SLC17A1: variants seen among roughly 807,000 people sequenced by gnomAD.
SLC17A1 encodes the protein sodium-dependent phosphate transport protein 1.
In SLC17A1, 51 loss-of-function variants were observed where a neutral mutation model predicts 53.5. The observed-to-expected ratio is 0.95, with a 90% CI of 0.76 to 1.20. The LOEUF (loss-of-function observed/expected upper bound fraction) is 1.20, where lower values mean the gene tolerates loss of function less well. SLC17A1 is among the 50% of genes most tolerant of loss of function. SLC17A1 has a pLI of 0.00. For synonymous variants in SLC17A1, 179 were observed against 198.8 expected (o/e 0.90, Z 0.84); for missense variants, 538 against 568.2 (o/e 0.95, Z 0.54).
At chr6:25,826,339 A>T in intron 3 of SLC17A1, 122 bp downstream of exon 3, 1 of 716,010 alleles carries the variant, frequency 1.4e-6, no homozygotes, top group Non-Finnish European at 2.2e-6. Context: ...CTGGCAAGGT[A>T]GATGAAGACT....
the SLC17A1 span, among the ~76,000 whole-genome samples, chr6:25,772,809 C>T: frequency 1.3e-5 from 2 of 152,168 alleles, no homozygotes; most frequent in Non-Finnish European, 2.9e-5. Context: ...GTGGGGCAAA[C>T]ACGCTACTAA....
chr6:25,764,810 C>A, the SLC17A1 span, among the ~76,000 whole-genome samples: 1 of 152,218 alleles, frequency 6.6e-6, no homozygotes, highest in Non-Finnish European at 1.5e-5. Context: ...CCTTTCTGAT[C>A]TGCAATTTAG....
At chr6:25,793,986 A>G (rs549576824) in intron 12 of SLC17A1, among the ~76,000 whole-genome samples, 11 of 152,290 alleles carry the variant, frequency 7.2e-5, no homozygotes, top group African/African-American at 2.6e-4. Context: ...TCACACACGC[A>G]CTTTGAGTTT....
intron 12 of SLC17A1, among the ~76,000 whole-genome samples, chr6:25,786,470 C>A (rs573763288): frequency 6.6e-6 from 1 of 152,218 alleles, no homozygotes; most frequent in East Asian, 1.9e-4. Flanking sequence ...AGGCTACATG[C>A]GTGTTTCCCA....
chr6:25,765,970 C>G, the SLC17A1 span, among the ~76,000 whole-genome samples: 3 of 151,488 alleles, frequency 2.0e-5, no homozygotes, highest in African/African-American at 7.3e-5. Flanking sequence ...TAAATACAAG[C>G]AATTATGAGA....
the SLC17A1 span, among the ~76,000 whole-genome samples, chr6:25,771,464 C>T: frequency 2.6e-5 from 4 of 151,760 alleles, no homozygotes; most frequent in African/African-American, 9.7e-5. Flanking sequence ...ATCCCAGCTA[C>T]TCGGGAGGCT....
chr6:25,797,092 T>C (rs780732620), intron 12 of SLC17A1, among the ~76,000 whole-genome samples: 1 of 152,226 alleles, frequency 6.6e-6, no homozygotes, highest in Non-Finnish European at 1.5e-5. Flanking sequence ...ACCTCATTAT[T>C]GAATTATACC....
the SLC17A1 span, chr6:25,732,069 C>T: frequency 5.8e-6 from 7 of 1,215,024 alleles, no homozygotes; most frequent in South Asian, 3.1e-5. Context: ...TTTGCGGCAT[C>T]TCTTGCGCTT....
chr6:25,728,574 G>C, the SLC17A1 span, among the ~76,000 whole-genome samples: 1 of 152,250 alleles, frequency 6.6e-6, no homozygotes, highest in African/African-American at 2.4e-5. Context: ...CTGCACTTTG[G>C]GAGGCAGAGG....
At chr6:25,759,164 C>T in the SLC17A1 span, among the ~76,000 whole-genome samples, 1 of 151,996 alleles carries the variant, frequency 6.6e-6, no homozygotes, top group Non-Finnish European at 1.5e-5. Context: ...TGAGGGAGTA[C>T]TTGATATAAT....
chr6:25,825,380 A>G (rs1357573565), intron 3 of SLC17A1, among the ~76,000 whole-genome samples: 2 of 151,750 alleles, frequency 1.3e-5, no homozygotes, highest in Admixed American at 6.6e-5. Context: ...GAAATTTTAC[A>G]GTCTTTCAGT....
the SLC17A1 span, among the ~76,000 whole-genome samples, chr6:25,771,345 A>T: frequency 6.6e-6 from 1 of 152,078 alleles, no homozygotes; most frequent in Non-Finnish European, 1.5e-5. Context: ...AGGCTGAGGC[A>T]GGTGGATCAC....
intron 12 of SLC17A1, among the ~76,000 whole-genome samples, chr6:25,785,734 A>G (rs1282334533): frequency 6.6e-6 from 1 of 152,202 alleles, no homozygotes; most frequent in East Asian, 1.9e-4. Context: ...AAGATGTTCA[A>G]CATAATTACT....
chr6:25,803,892 A>G (rs979745945), intron 10 of SLC17A1, among the ~76,000 whole-genome samples: 1 of 152,146 alleles, frequency 6.6e-6, no homozygotes, highest in African/African-American at 2.4e-5. Context: ...TTCTCTTATT[A>G]ATCCATTTTA....
At chr6:25,790,949 A>G (rs1763487338) in intron 12 of SLC17A1, among the ~76,000 whole-genome samples, 2 of 152,206 alleles carry the variant, frequency 1.3e-5, no homozygotes, top group Admixed American at 1.3e-4. Context: ...AATTAAATAT[A>G]TTCAAATGAT....
Position 25,783,227 on chromosome 6 carries a change from T to C in SLC17A1, c.*3-9A>G, listed in dbSNP as rs771604112. On this transcript the variant is annotated splice_polypyrimidine_tract_variant and intron_variant, in intron 12 of 12. Transcript: ENST00000244527. ...AAGTGCTCTGTTTCACACTAAGTTTTGTAAACAAAGAAAAAAATAGTGCAC... is the reference window on the plus strand; with the variant it reads ...AAGTGCTCTGTTTCACACTAAGTTTCGTAAACAAAGAAAAAAATAGTGCAC... 6.6e-6 allele frequency: 1 copy of C among 152,172 alleles called. No homozygotes were observed. The highest frequency in any genetic ancestry group is 2.4e-5 in the African/African-American group (1 of 41,436). The allele number at this position is 152,172 out of a possible 1,614,324, so 9.4% of individuals were successfully genotyped here.
At chr6:25,812,742 G>A (rs1764201314) in intron 8 of SLC17A1, 89 bp downstream of exon 8, 1 of 920,452 alleles carries the variant, frequency 1.1e-6, no homozygotes. Flanking sequence ...TGAGGAGCTG[G>A]CAAGAGCTGC....
intron 12 of SLC17A1, among the ~76,000 whole-genome samples, chr6:25,794,991 A>G (rs896954879): frequency 3.9e-5 from 6 of 152,212 alleles, no homozygotes; most frequent in African/African-American, 1.4e-4. Flanking sequence ...GATTCCACAA[A>G]TAAAATGCCT....
the SLC17A1 span, among the ~76,000 whole-genome samples, chr6:25,730,376 G>A: frequency 1.1e-3 from 170 of 152,306 alleles, no homozygotes; most frequent in African/African-American, 3.9e-3. Flanking sequence ...GGATGAACCT[G>A]GAGGATGTTA....
Sources: gnomAD v4.1 joint callset for allele counts (sites outside exome capture counted in the v4.1 genomes callset) on GRCh38, gnomAD v4.1.1 for gene constraint, MANE v1.5 for transcripts, NCBI Gene and HGNC (gene_info 2026-07-23, HGNC 2026-07-21) for gene names.